The following TLCD4 variants were observed in gnomAD, a reference collection of about 807,000 sequenced individuals.
TLCD4 encodes the protein TLC domain-containing protein 4.
TLCD4 carries 7 observed loss-of-function variants against 24.2 expected under a neutral mutation model. The observed-to-expected ratio is 0.29, with a 90% CI of 0.16 to 0.54. The LOEUF (loss-of-function observed/expected upper bound fraction) is 0.54. Ranked by LOEUF, TLCD4 falls within the 20% of genes least tolerant of loss-of-function variation. TLCD4 has a pLI of 0.95. For synonymous variants in TLCD4, 103 were observed against 106.4 expected, an observed-to-expected ratio of 0.97 and a Z score of 0.20; for missense variants, 259 against 313.9, an observed-to-expected ratio of 0.82 and a Z score of 1.32.
At chr1:95,166,904 A>G (rs952314084) in intron 5 of TLCD4, among the ~76,000 whole-genome samples, 21 of 151,782 alleles carry the variant, frequency 1.4e-4, no homozygotes, top group Non-Finnish European at 2.6e-4. Context: ...AATTAAAAAA[A>G]AAATTTTTTT....
chr1:95,146,107 G>A (rs142669244), intron 2 of TLCD4, among the ~76,000 whole-genome samples: 1 of 151,788 alleles, frequency 6.6e-6, no homozygotes, highest in East Asian at 1.9e-4. Flanking sequence ...ATTCTTTCTA[G>A]TGATCAGGAA....
chr1:95,117,579 C>G lies in TLCD4; in HGVS notation c.-50C>G, dbSNP rs1331182866. The G allele has an allele frequency of 6.5e-6, 1 of 153,622 alleles. No homozygotes were observed. Among genetic ancestry groups the G allele is most frequent in the Non-Finnish European group, 1.4e-5 (1 of 69,368 alleles). The allele number at this position is 153,622 out of a possible 1,614,324, so 9.5% of individuals were successfully genotyped here. A position where few individuals can be genotyped will look rare whatever the true frequency, so the allele number is the denominator to read the frequency against. On this transcript the variant is annotated 5_prime_UTR_variant, in exon 1 of 7. Coordinates refer to ENST00000370203, the MANE Select transcript of TLCD4 (RefSeq NM_152487.3). ...GCCGCCCTCTCCCGGCTCGGCGCAGCCGCCGCCCGCGCGCGACTCGCCCCG... is the reference window on the plus strand; with the variant it reads ...GCCGCCCTCTCCCGGCTCGGCGCAGGCGCCGCCCGCGCGCGACTCGCCCCG...
At chr1:95,145,622 A>AG (rs1677322861) in intron 2 of TLCD4, among the ~76,000 whole-genome samples, 2 of 152,244 alleles carry the variant, frequency 1.3e-5, no homozygotes, top group South Asian at 4.1e-4. Flanking sequence ...ATGGAATGGT[A>AG]GGAAAGAGAA....
At chr1:95,159,287 T>C (rs1473037734) in intron 5 of TLCD4, among the ~76,000 whole-genome samples, 1 of 152,246 alleles carries the variant, frequency 6.6e-6, no homozygotes, top group African/African-American at 2.4e-5. Context: ...CACGTGTCTG[T>C]TGGCTGCATA....
chr1:95,114,886 T>C (rs1676400461), upstream of TLCD4, among the ~76,000 whole-genome samples: 1 of 152,054 alleles, frequency 6.6e-6, no homozygotes, highest in Non-Finnish European at 1.5e-5. Context: ...ATAAATACTT[T>C]CATTTCTCTG....
intron 1 of TLCD4, among the ~76,000 whole-genome samples, chr1:95,126,811 G>T (rs537892807): frequency 2.0e-5 from 3 of 152,272 alleles, no homozygotes; most frequent in Admixed American, 6.5e-5. Flanking sequence ...TGTTTTTTAA[G>T]TCCTACCTAG....
intron 4 of TLCD4, among the ~76,000 whole-genome samples, chr1:95,150,849 G>C (rs1199504107): frequency 1.3e-5 from 2 of 151,632 alleles, no homozygotes; most frequent in Admixed American, 1.3e-4. Context: ...TTGAATTATT[G>C]TAGTGACAAA....
intron 1 of TLCD4, among the ~76,000 whole-genome samples, chr1:95,142,990 G>A (rs1267626911): frequency 6.6e-6 from 1 of 151,946 alleles, no homozygotes; most frequent in Admixed American, 6.6e-5. Flanking sequence ...GGGAGGGGAA[G>A]TTACACTTCT....
intron 1 of TLCD4, among the ~76,000 whole-genome samples, chr1:95,133,205 G>C (rs1308379711): frequency 1.3e-5 from 2 of 152,126 alleles, no homozygotes; most frequent in Non-Finnish European, 2.9e-5. Context: ...CCTGGTGTGT[G>C]ATGTTCCCGT....
chr1:95,134,589 G>A (rs571540465), intron 1 of TLCD4, among the ~76,000 whole-genome samples: 2 of 152,314 alleles, frequency 1.3e-5, no homozygotes, highest in South Asian at 4.1e-4. Context: ...GGAAGGTTGT[G>A]GGAGGTGGAG....
At chr1:95,108,044 T>C in the TLCD4 span, among the ~76,000 whole-genome samples, 3 of 152,168 alleles carry the variant, frequency 2.0e-5, no homozygotes, top group African/African-American at 7.2e-5. Flanking sequence ...CCATTTATAA[T>C]GTGTAAAGGT....
At chr1:95,156,833 G>C (rs1331268787) in intron 5 of TLCD4, among the ~76,000 whole-genome samples, 2 of 152,170 alleles carry the variant, frequency 1.3e-5, no homozygotes, top group Non-Finnish European at 2.9e-5. Context: ...GATACTGTGA[G>C]ATGTTAAGAG....
chr1:95,178,967 AC>A (rs1201515038), intron 6 of TLCD4, among the ~76,000 whole-genome samples: 8 of 152,114 alleles, frequency 5.3e-5, no homozygotes, highest in African/African-American at 1.9e-4. Flanking sequence ...TTTCTCCCTC[AC>A]TTTATTTGAT....
chr1:95,168,195 AGAG>A (rs1678086280), intron 5 of TLCD4, among the ~76,000 whole-genome samples: 1 of 152,218 alleles, frequency 6.6e-6, no homozygotes, highest in African/African-American at 2.4e-5. Flanking sequence ...GAATAGGATC[AGAG>A]GAGTTCAGTA....
At chr1:95,120,920 G>A (rs1204033598) in intron 1 of TLCD4, 3 of 152,260 alleles carry the variant, frequency 2.0e-5, no homozygotes, top group Non-Finnish European at 2.9e-5. Flanking sequence ...AAAACAGGTT[G>A]CAGTGGAGCA....
chr1:95,143,590 A>G (rs1378668729), intron 1 of TLCD4, among the ~76,000 whole-genome samples: 1 of 152,144 alleles, frequency 6.6e-6, no homozygotes, highest in East Asian at 1.9e-4. Context: ...TTTTACTTAT[A>G]GTACTTGAAA....
Position 95,148,736 on chromosome 1 carries a change from A to AT in TLCD4, c.195dup (p.Gly66TrpfsTer9). 1 of 1,613,624 alleles carries AT rather than the reference A, an allele frequency of 6.2e-7. No individual in the cohort carries two copies. Among genetic ancestry groups the AT allele is most frequent in the Non-Finnish European group, 8.5e-7 (1 of 1,179,750 alleles). On this transcript the variant is annotated frameshift_variant, in exon 3 of 7. Transcript: ENST00000370203. LOFTEE classifies it high-confidence loss of function. ...CACATGCCATTCTTTGGTGGTTGGT[A>AT]TTTTTGGCCTGTACATTTTCTTATT...
intron 4 of TLCD4, among the ~76,000 whole-genome samples, chr1:95,150,835 CTGTT>C (rs1677474108): frequency 6.6e-6 from 1 of 151,938 alleles, no homozygotes; most frequent in South Asian, 2.1e-4. Flanking sequence ...CATCTTATCT[CTGTT>C]TGAATTATTG....
At chr1:95,107,677 T>C in the TLCD4 span, among the ~76,000 whole-genome samples, 2 of 152,124 alleles carry the variant, frequency 1.3e-5, no homozygotes, top group African/African-American at 4.8e-5. Flanking sequence ...TTAAAAATCG[T>C]ACATAGGAAC....
Sources: allele counts gnomAD v4.1 joint callset (sites outside exome capture counted in the v4.1 genomes callset), GRCh38; gene constraint gnomAD v4.1.1; transcripts MANE v1.5; gene names NCBI Gene and HGNC (gene_info 2026-07-23, HGNC 2026-07-21).